TG: variants seen among roughly 807,000 people sequenced by gnomAD.
TG encodes the protein thyroglobulin.
In TG, 270 loss-of-function variants were observed where a neutral mutation model predicts 324.7. That is an observed-to-expected ratio of 0.83 (90% CI 0.75 to 0.92). TG has a LOEUF of 0.92. Ranked by LOEUF, TG falls within the 40% of genes least tolerant of loss-of-function variation. The pLI is 0.00. For synonymous variants in TG, 1,401 were observed against 1,327.0 expected (o/e 1.06, Z -1.21); for missense variants, 3,591 against 3,456.4 (o/e 1.04, Z -0.98).
At chr8:132,880,329 T>C (rs1031764349) in intron 5 of TG, among the ~76,000 whole-genome samples, 1 of 152,238 alleles carries the variant, frequency 6.6e-6, no homozygotes, top group Admixed American at 6.5e-5. Flanking sequence ...TGAATCAATG[T>C]GTATTAAAAC....
At chr8:132,949,489 G>A (rs1825806703) in intron 27 of TG, among the ~76,000 whole-genome samples, 1 of 152,200 alleles carries the variant, frequency 6.6e-6, no homozygotes, top group Non-Finnish European at 1.5e-5. Context: ...GCCAAGTCAT[G>A]TGCAAATAGT....
At chr8:133,071,355 A>G (rs2741210) in intron 41 of TG, among the ~76,000 whole-genome samples, 122,183 of 152,132 alleles carry the variant, frequency 0.8, 49,180 homozygotes, top group Admixed American at 0.84. Flanking sequence ...GAATCCAGGC[A>G]TCTGGCTCTA....
intron 41 of TG, among the ~76,000 whole-genome samples, chr8:133,056,240 A>G (rs1357187596): frequency 6.6e-6 from 1 of 152,226 alleles, no homozygotes; most frequent in Non-Finnish European, 1.5e-5. Context: ...CTAGTTATAT[A>G]TTTTATGATG....
At chr8:132,925,276 C>T (rs1310349225) in intron 22 of TG, among the ~76,000 whole-genome samples, 2 of 152,166 alleles carry the variant, frequency 1.3e-5, no homozygotes, top group Non-Finnish European at 2.9e-5. Flanking sequence ...TGTCAAACCA[C>T]CAAACCTTTG....
intron 45 of TG, 70 bp from the exon 46 acceptor site, chr8:133,131,740 TTG>T: frequency 6.3e-7 from 1 of 1,593,646 alleles, no homozygotes; most frequent in Non-Finnish European, 8.6e-7. Context: ...ATATTTTTGT[TTG>T]TGTGTTTGTG....
At chr8:132,992,866 A>G (rs1370175529) in intron 35 of TG, among the ~76,000 whole-genome samples, 4 of 152,166 alleles carry the variant, frequency 2.6e-5, no homozygotes, top group Non-Finnish European at 4.4e-5. Context: ...AACCATCGCT[A>G]TGAATTGTTG....
chr8:132,884,908 C>G (rs576457058), intron 8 of TG, among the ~76,000 whole-genome samples: 6 of 152,338 alleles, frequency 3.9e-5, no homozygotes, highest in Non-Finnish European at 7.3e-5. Flanking sequence ...TGGAAGAAGA[C>G]TAAGCAAAGC....
intron 41 of TG, chr8:133,036,805 C>T (rs1416913273): frequency 6.5e-6 from 1 of 152,674 alleles, no homozygotes; most frequent in Non-Finnish European, 1.5e-5. Flanking sequence ...ATGCTTCCCA[C>T]TGAGAAATCC....
intron 23 of TG, among the ~76,000 whole-genome samples, chr8:132,930,735 A>T (rs867610343): frequency 2.0e-5 from 3 of 151,758 alleles, no homozygotes; most frequent in South Asian, 4.2e-4. Context: ...GCAAAAGAGG[A>T]TGCAGAATCT....
chr8:132,953,642 A>AT (rs564164094), intron 27 of TG, among the ~76,000 whole-genome samples: 90 of 152,296 alleles, frequency 5.9e-4, no homozygotes, highest in African/African-American at 2.0e-3. Context: ...CCTGGAGGCT[A>AT]TTTTTATCTA....
At chr8:133,007,412 G>A (rs948622101) in intron 35 of TG, among the ~76,000 whole-genome samples, 1 of 151,760 alleles carries the variant, frequency 6.6e-6, no homozygotes, top group Non-Finnish European at 1.5e-5. Context: ...TTTTGTGCCC[G>A]TTAAAGTCTT....
Position 132,893,903 on chromosome 8 carries a change from A to T in TG, c.2975A>T (p.Tyr992Phe), listed in dbSNP as rs1816714699. 6.2e-7 allele frequency: 1 copy of T among 1,614,002 alleles called. No individual in the cohort carries two copies. The highest frequency in any genetic ancestry group is 1.7e-5 in the Admixed American group (1 of 60,018). ...GAGCAGTTTCTGCGTGGGAGTGATTACGCCATTCGCCTGGCGGCTCAGTCT... is the reference window on the plus strand; with the variant it reads ...GAGCAGTTTCTGCGTGGGAGTGATTTCGCCATTCGCCTGGCGGCTCAGTCT... ...FAEQFLRGSD[Y>F]AIRLAAQSTL... The change falls in exon 11 of 48, where the codon TAC (tyrosine) becomes TTC (phenylalanine). Residue 992 changes from tyrosine (Y) to phenylalanine (F), a missense_variant. Tyr to Phe is a conservative substitution (Grantham distance 22). Transcript: ENST00000220616.
At chr8:132,875,904 T>C (rs1813714380) in intron 5 of TG, among the ~76,000 whole-genome samples, 1 of 152,128 alleles carries the variant, frequency 6.6e-6, no homozygotes, top group African/African-American at 2.4e-5. Flanking sequence ...CTGGGCACAG[T>C]GGAAGGAGCC....
At chr8:133,045,030 C>T (rs761995367) in intron 41 of TG, 62 of 1,614,148 alleles carry the variant, frequency 3.8e-5, no homozygotes, top group Admixed American at 3.0e-4. Flanking sequence ...AGGTGAGCCT[C>T]GGGGAAATGT....
chr8:132,884,450 T>C (rs930281574), intron 8 of TG, among the ~76,000 whole-genome samples: 6 of 152,238 alleles, frequency 3.9e-5, no homozygotes, highest in African/African-American at 1.4e-4. Context: ...GATACACCAA[T>C]GCAGGGTTTT....
intron 21 of TG, among the ~76,000 whole-genome samples, chr8:132,921,089 T>A (rs575498416): frequency 3.3e-5 from 5 of 152,354 alleles, no homozygotes; most frequent in African/African-American, 1.2e-4. Flanking sequence ...CTTCTCTTTC[T>A]AATAAGGGCA....
In TG at chr8:132,886,503, T is replaced by G. The variant is rs1417337721; in HGVS notation, c.1131T>G (p.Phe377Leu). 1.2e-6 allele frequency: 2 copies of G among 1,614,212 alleles called. No homozygotes were observed. The highest frequency in any genetic ancestry group is 1.7e-6 in the Non-Finnish European group (2 of 1,180,034). The change falls in exon 9 of 48, where the codon TTT becomes TTG. Residue 377 changes from phenylalanine (F) to leucine (L), a missense_variant. Physicochemically the swap from Phe to Leu is conservative, Grantham distance 22 (BLOSUM62 0). Transcript: ENST00000220616. ...AGCAGGCCTTGTCCAGACTCTACTT[T>G]GGGACCTCAGGCTACTTCAGCCAGC... ...ERQQALSRLY[F>L]GTSGYFSQHD... is the part of the protein sequence containing the mutation.
rs564874685 is a variant in TG, at chr8:132,892,756, ATG to A, written c.2762-927_2762-926del. 9.1e-3 allele frequency among the ~76,000 whole-genome samples: 1,354 copies of A among 148,434 alleles called. 5 individuals carry two copies. Among genetic ancestry groups the A allele is most frequent in the Non-Finnish European group, 0.014 (953 of 67,212 alleles). On this transcript the variant is annotated intron_variant, in intron 10 of 47. Transcript: ENST00000220616. ...ATATGGGTGTATGGTGTGTGCACTT[ATG>A]TGTGTGGTATGTGCATAGGTGTGTG...
At chr8:132,987,369 G>A (rs1001531198) in intron 35 of TG, among the ~76,000 whole-genome samples, 2 of 152,120 alleles carry the variant, frequency 1.3e-5, no homozygotes, top group East Asian at 1.9e-4. Context: ...GTGTCTATAT[G>A]TGTATGTGTA....
Sources: gnomAD v4.1 joint callset for allele counts (sites outside exome capture counted in the v4.1 genomes callset) on GRCh38, gnomAD v4.1.1 for gene constraint, MANE v1.5 for transcripts, NCBI Gene and HGNC (gene_info 2026-07-23, HGNC 2026-07-21) for gene names.